Variants in PLPP1 observed in about 807,000 individuals in gnomAD.
PLPP1 encodes the protein phospholipid phosphatase 1.
PLPP1 carries 24 observed loss-of-function variants against 31.2 expected under a neutral mutation model. The observed-to-expected ratio is 0.77, with a 90% CI of 0.56 to 1.08. The LOEUF (loss-of-function observed/expected upper bound fraction) is 1.08, where lower values mean the gene tolerates loss of function less well. Among genes scored for constraint, PLPP1 ranks in the 50% least tolerant of loss-of-function variants. PLPP1 has a pLI of 0.00. For synonymous variants in PLPP1, 146 were observed against 126.3 expected, an observed-to-expected ratio of 1.16 and a Z score of -1.05; for missense variants, 319 against 342.7, an observed-to-expected ratio of 0.93 and a Z score of 0.55.
intron 1 of PLPP1, among the ~76,000 whole-genome samples, chr5:55,495,088 G>A (rs1230508253): frequency 4.0e-5 from 6 of 148,650 alleles, no homozygotes; most frequent in African/African-American, 5.0e-5. Flanking sequence ...CTGAGATGGC[G>A]CCATTGCACT....
At chr5:55,439,861 T>G (rs1160586908) in intron 4 of PLPP1, among the ~76,000 whole-genome samples, 1 of 152,224 alleles carries the variant, frequency 6.6e-6, no homozygotes, top group African/African-American at 2.4e-5. Flanking sequence ...GTCAAAGTTA[T>G]GTGTCAGTCA....
chr5:55,425,157 A>G lies in PLPP1; in HGVS notation c.*49T>C, dbSNP rs1561216727. On this transcript the variant is annotated 3_prime_UTR_variant, in exon 6 of 6. Coordinates refer to ENST00000307259, the MANE Select transcript of PLPP1 (RefSeq NM_003711.4). Reference sequence around the variant, plus strand: ...TGCATCCTCTTGCCTTGTGGCAATCATTTTCCTTTAGAAAACAGGCCAGCT... The same window carrying G: ...TGCATCCTCTTGCCTTGTGGCAATCGTTTTCCTTTAGAAAACAGGCCAGCT... 1.3e-6 allele frequency: 2 copies of G among 1,581,650 alleles called. No homozygotes were observed. Among genetic ancestry groups the G allele is most frequent in the East Asian group, 2.2e-5 (1 of 44,672 alleles).
intron 3 of PLPP1, among the ~76,000 whole-genome samples, chr5:55,458,343 C>A (rs1394035876): frequency 6.6e-6 from 1 of 151,790 alleles, no homozygotes; most frequent in African/African-American, 2.4e-5. Context: ...AAATAAACAC[C>A]TTTCTTCATT....
intron 4 of PLPP1, among the ~76,000 whole-genome samples, chr5:55,432,027 TC>T (rs1356725628): frequency 2.0e-5 from 3 of 151,884 alleles, no homozygotes; most frequent in African/African-American, 7.3e-5. Context: ...GTTCAAGTGA[TC>T]CTCCCGTCTC....
chr5:55,520,542 T>C (rs1172671019), intron 1 of PLPP1, among the ~76,000 whole-genome samples: 2 of 152,204 alleles, frequency 1.3e-5, no homozygotes, highest in African/African-American at 4.8e-5. Flanking sequence ...CTCATCTAAT[T>C]TCACAGCACT....
At chr5:55,427,784 G>T (rs1490150702) in intron 4 of PLPP1, among the ~76,000 whole-genome samples, 5 of 146,718 alleles carry the variant, frequency 3.4e-5, no homozygotes, top group Admixed American at 6.8e-5. Flanking sequence ...TTGGGGGGGG[G>T]GATGTGGGAG....
intron 3 of PLPP1, among the ~76,000 whole-genome samples, chr5:55,456,949 C>G (rs1338027594): frequency 1.3e-5 from 2 of 152,098 alleles, no homozygotes; most frequent in African/African-American, 4.8e-5. Flanking sequence ...ATCATGAGGT[C>G]AGGAGTTTGA....
intron 1 of PLPP1, among the ~76,000 whole-genome samples, chr5:55,505,893 C>T (rs2111895055): frequency 6.6e-6 from 1 of 152,246 alleles, no homozygotes; most frequent in South Asian, 2.1e-4. Flanking sequence ...TCCATCTCTA[C>T]TAAAATCACA....
intron 3 of PLPP1, among the ~76,000 whole-genome samples, chr5:55,462,391 A>C (rs190996289): frequency 5.9e-5 from 9 of 152,334 alleles, no homozygotes; most frequent in Admixed American, 3.9e-4. Context: ...CAATGTGAAA[A>C]TGTTTTTTTT....
chr5:55,518,447 C>T (rs766801956), intron 1 of PLPP1, among the ~76,000 whole-genome samples: 1 of 152,208 alleles, frequency 6.6e-6, no homozygotes, highest in Admixed American at 6.5e-5. Context: ...GCATGAGAGA[C>T]CGCGCCCGGC....
At chr5:55,496,783 T>C (rs1753011739) in intron 1 of PLPP1, among the ~76,000 whole-genome samples, 1 of 152,212 alleles carries the variant, frequency 6.6e-6, no homozygotes, top group Non-Finnish European at 1.5e-5. Context: ...TGGATAGATG[T>C]AAACAGATGT....
chr5:55,513,054 A>G (rs1425120430), intron 1 of PLPP1, among the ~76,000 whole-genome samples: 1 of 152,152 alleles, frequency 6.6e-6, no homozygotes, highest in Non-Finnish European at 1.5e-5. Flanking sequence ...AGCATCCTAT[A>G]TTCAGGTGAG....
intron 1 of PLPP1, among the ~76,000 whole-genome samples, chr5:55,526,265 CAA>C (rs1740429178): frequency 6.6e-6 from 1 of 152,016 alleles, no homozygotes; most frequent in African/African-American, 2.4e-5. Flanking sequence ...GGATGTAATT[CAA>C]AGAGAATATA....
chr5:55,520,171 C>T (rs559126055), intron 1 of PLPP1, among the ~76,000 whole-genome samples: 6 of 152,234 alleles, frequency 3.9e-5, no homozygotes, highest in Admixed American at 1.3e-4. Flanking sequence ...ATTTAGGTAC[C>T]TTGTCTATGA....
intron 2 of PLPP1, 28 bp from the exon 3 acceptor site, chr5:55,468,177 T>C (rs764249502): frequency 6.5e-7 from 1 of 1,530,660 alleles, no homozygotes; most frequent in East Asian, 2.3e-5. Context: ...AAATAACATG[T>C]TAAAGTAGCA....
chr5:55,507,296 T>C (rs766247773), intron 1 of PLPP1, among the ~76,000 whole-genome samples: 1 of 152,228 alleles, frequency 6.6e-6, no homozygotes, highest in Non-Finnish European at 1.5e-5. Flanking sequence ...TAGACATTCA[T>C]ATCTGGCACT....
intron 1 of PLPP1, 103 bp downstream of exon 1, chr5:55,534,469 C>A: frequency 3.3e-6 from 4 of 1,215,154 alleles, no homozygotes; most frequent in Non-Finnish European, 4.4e-6. Context: ...CCCACAGCTG[C>A]GCACGCGTCA....
chr5:55,446,670 A>T (rs1427961625), intron 3 of PLPP1, among the ~76,000 whole-genome samples: 1 of 152,228 alleles, frequency 6.6e-6, no homozygotes, highest in Non-Finnish European at 1.5e-5. Flanking sequence ...GTGTTCACTT[A>T]TGCTGGGTTC....
chr5:55,461,187 C>T (rs975781849), intron 3 of PLPP1, among the ~76,000 whole-genome samples: 1 of 151,946 alleles, frequency 6.6e-6, no homozygotes, highest in African/African-American at 2.4e-5. Context: ...AAAGTGAGAC[C>T]CTGTCTCAGT....
Sources: allele counts gnomAD v4.1 joint callset (sites outside exome capture counted in the v4.1 genomes callset), GRCh38; gene constraint gnomAD v4.1.1; transcripts MANE v1.5; gene names NCBI Gene and HGNC (gene_info 2026-07-23, HGNC 2026-07-21).